PARD3: variants seen among roughly 807,000 people sequenced by gnomAD.
PARD3 encodes partitioning defective 3 homolog.
Under a neutral mutation model 155.4 loss-of-function variants are expected in PARD3, and 75 were observed. The ratio of observed to expected loss-of-function variants is 0.48; its 90% CI spans 0.40 to 0.58. The LOEUF (loss-of-function observed/expected upper bound fraction) is 0.58. Among genes scored for constraint, PARD3 ranks in the 20% least tolerant of loss-of-function variants. The probability of loss-of-function intolerance (pLI) is 0.00; values close to 1 mark genes in which losing one functional copy is unlikely to be tolerated. For missense variants in PARD3, 1,642 were observed against 1,721.7 expected, an observed-to-expected ratio of 0.95 and a Z score of 0.82; for synonymous variants, 576 against 610.5, an observed-to-expected ratio of 0.94 and a Z score of 0.83.
At chr10:34,351,103 T>G (rs1228682060) in intron 14 of PARD3, among the ~76,000 whole-genome samples, 14 of 152,160 alleles carry the variant, frequency 9.2e-5, no homozygotes, top group Admixed American at 9.2e-4. Flanking sequence ...GCAAGCCAAA[T>G]AGTGTCTTTC....
At chr10:34,351,456 T>C (rs1313615064) in intron 14 of PARD3, among the ~76,000 whole-genome samples, 3 of 152,212 alleles carry the variant, frequency 2.0e-5, no homozygotes, top group Non-Finnish European at 4.4e-5. Context: ...ATTACAAATA[T>C]ACATTCTGGA....
At chr10:34,398,687 A>G (rs1843591303) in intron 7 of PARD3, among the ~76,000 whole-genome samples, 1 of 152,124 alleles carries the variant, frequency 6.6e-6, no homozygotes, top group South Asian at 2.1e-4. Context: ...AAAACCAAAA[A>G]TATCACAACA....
intron 15 of PARD3, chr10:34,346,008 C>G (rs1415264260): frequency 1.0e-6 from 1 of 984,300 alleles, no homozygotes; most frequent in Non-Finnish European, 1.2e-6. Flanking sequence ...ATATCCAAAT[C>G]ATAAAAACAT....
chr10:34,308,248 C>G (rs547638518), intron 20 of PARD3, among the ~76,000 whole-genome samples: 1 of 152,168 alleles, frequency 6.6e-6, no homozygotes, highest in South Asian at 2.1e-4. Flanking sequence ...GGGGGTTGAA[C>G]AGAGGAGGGA....
At chr10:34,585,539 T>C (rs1365110871) in intron 2 of PARD3, among the ~76,000 whole-genome samples, 1 of 139,750 alleles carries the variant, frequency 7.2e-6, no homozygotes, top group Non-Finnish European at 1.5e-5. Flanking sequence ...TTTTTTTTCT[T>C]TTTCTTTCTT....
chr10:34,692,790 C>T (rs12268888), intron 2 of PARD3, among the ~76,000 whole-genome samples: 2,857 of 152,314 alleles, frequency 0.019, 93 homozygotes, highest in African/African-American at 0.065. Flanking sequence ...CAGAGAATCG[C>T]TTAAACCCAG....
At chr10:34,301,207 A>T (rs1957131904) in intron 20 of PARD3, among the ~76,000 whole-genome samples, 1 of 152,150 alleles carries the variant, frequency 6.6e-6, no homozygotes, top group Non-Finnish European at 1.5e-5. Context: ...CATCATATAG[A>T]AATATTCAAG....
At chr10:34,807,289 A>G (rs1245743858) in intron 1 of PARD3, among the ~76,000 whole-genome samples, 1 of 152,226 alleles carries the variant, frequency 6.6e-6, no homozygotes, top group Non-Finnish European at 1.5e-5. Flanking sequence ...ACACATATAT[A>G]TGTCATTTTA....
At chr10:34,281,982 TTACTC>T (rs1326576233) in intron 21 of PARD3, among the ~76,000 whole-genome samples, 6 of 151,994 alleles carry the variant, frequency 3.9e-5, no homozygotes, top group South Asian at 2.1e-4. Flanking sequence ...TTTTTATTGA[TTACTC>T]CAGTCAAAAT....
At chr10:34,227,246 C>A (rs1219314820) in intron 22 of PARD3, among the ~76,000 whole-genome samples, 2 of 152,124 alleles carry the variant, frequency 1.3e-5, no homozygotes, top group East Asian at 1.9e-4. Context: ...ATGTGGCCAA[C>A]AAGTATATGA....
intron 1 of PARD3, among the ~76,000 whole-genome samples, chr10:34,746,941 G>A (rs937193289): frequency 6.6e-6 from 1 of 152,178 alleles, no homozygotes; most frequent in Non-Finnish European, 1.5e-5. Context: ...GGCTGCCGGG[G>A]TTCAGGGTCA....
At chr10:34,238,307 C>T (rs886946713) in intron 22 of PARD3, among the ~76,000 whole-genome samples, 5 of 152,206 alleles carry the variant, frequency 3.3e-5, no homozygotes, top group Admixed American at 6.5e-5. Flanking sequence ...AATGTGCTCA[C>T]TTCTTCCTCA....
chr10:34,569,256 G>C (rs2086193392), intron 2 of PARD3, among the ~76,000 whole-genome samples: 1 of 152,098 alleles, frequency 6.6e-6, no homozygotes. Flanking sequence ...TGAGGGTTTG[G>C]GGAGGAAATG....
chr10:34,171,541 C>T (rs2799454), intron 22 of PARD3, among the ~76,000 whole-genome samples: 35,591 of 151,886 alleles, frequency 0.23, 4,319 homozygotes, highest in Middle Eastern at 0.36. Context: ...AGGATCTGTG[C>T]GTCCACTGTT....
At chr10:34,119,817 A>C (rs3004928) in intron 23 of PARD3, 77 bp from the exon 24 acceptor site, 586,780 of 1,274,082 alleles carry the variant, frequency 0.46, 140,137 homozygotes, top group East Asian at 0.86. Flanking sequence ...CTCCATTTCG[A>C]TTCTTATGAA....
intron 22 of PARD3, among the ~76,000 whole-genome samples, chr10:34,203,336 G>A (rs1372779805): frequency 6.6e-6 from 1 of 152,120 alleles, no homozygotes; most frequent in Non-Finnish European, 1.5e-5. Flanking sequence ...CAAATGAATG[G>A]CTGTTCTGAG....
chr10:34,149,457 T>C (rs75571254), intron 22 of PARD3, among the ~76,000 whole-genome samples: 3,095 of 152,272 alleles, frequency 0.02, 85 homozygotes, highest in African/African-American at 0.069. Context: ...ATCTTCAGAT[T>C]TGACCAAAAG....
intron 22 of PARD3, among the ~76,000 whole-genome samples, chr10:34,228,313 G>A (rs1004201926): frequency 1.3e-5 from 2 of 151,900 alleles, no homozygotes; most frequent in African/African-American, 4.8e-5. Context: ...CTCACTACCC[G>A]GATGCCAAAG....
At chr10:34,477,415 G>C (rs1478192561) in intron 3 of PARD3, among the ~76,000 whole-genome samples, 2 of 152,222 alleles carry the variant, frequency 1.3e-5, no homozygotes, top group African/African-American at 2.4e-5. Flanking sequence ...ACTGGGTCCA[G>C]AATGAGGGTG....
Sources: gnomAD v4.1 joint callset for allele counts (sites outside exome capture counted in the v4.1 genomes callset) on GRCh38, gnomAD v4.1.1 for gene constraint, MANE v1.5 for transcripts, NCBI Gene and HGNC (gene_info 2026-07-23, HGNC 2026-07-21) for gene names.